ACER2: variants seen among roughly 807,000 people sequenced by gnomAD.
The protein encoded by ACER2 is alkaline ceramidase 2.
In ACER2, 26 loss-of-function variants were observed where a neutral mutation model predicts 34.7. The observed-to-expected ratio is 0.75, with a 90% CI of 0.55 to 1.04. The LOEUF (loss-of-function observed/expected upper bound fraction) is 1.04, where lower values mean the gene tolerates loss of function less well. ACER2 is among the 50% of genes least tolerant of loss of function. The pLI is 0.00. For synonymous variants in ACER2, 138 were observed against 132.1 expected, an observed-to-expected ratio of 1.04 and a Z score of -0.31; for missense variants, 352 against 340.8, an observed-to-expected ratio of 1.03 and a Z score of -0.26.
intron 3 of ACER2, among the ~76,000 whole-genome samples, chr9:19,432,599 TATA>T (rs1428432265): frequency 2.7e-5 from 4 of 148,876 alleles, no homozygotes; most frequent in African/African-American, 7.3e-5. Flanking sequence ...ATTTATTAAA[TATA>T]ATTTTTATTT....
intron 3 of ACER2, among the ~76,000 whole-genome samples, chr9:19,432,679 A>T (rs1305595833): frequency 6.7e-6 from 1 of 148,216 alleles, no homozygotes; most frequent in Non-Finnish European, 1.5e-5. Flanking sequence ...GTTATGCTAT[A>T]TATAGATATG....
intron 1 of ACER2, among the ~76,000 whole-genome samples, chr9:19,422,234 G>A (rs2132473172): frequency 6.6e-6 from 1 of 151,952 alleles, no homozygotes; most frequent in Non-Finnish European, 1.5e-5. Context: ...CTGGAAGTAG[G>A]AGGCTGCAGC....
At chr9:19,449,503 A>T (rs1831487016) in intron 5 of ACER2, among the ~76,000 whole-genome samples, 1 of 152,138 alleles carries the variant, frequency 6.6e-6, no homozygotes, top group South Asian at 2.1e-4. Flanking sequence ...TCATATTGTC[A>T]CATCTGTTAA....
intron 5 of ACER2, among the ~76,000 whole-genome samples, chr9:19,449,894 A>G (rs1160450434): frequency 1.3e-5 from 1 of 78,380 alleles, no homozygotes; most frequent in African/African-American, 3.7e-5. Flanking sequence ...TTCATTTAAA[A>G]AAAAAAAAAA....
chr9:19,432,588 GATTT>G (rs1563883011), intron 3 of ACER2, among the ~76,000 whole-genome samples: 1 of 148,386 alleles, frequency 6.7e-6, no homozygotes, highest in African/African-American at 2.5e-5. Context: ...GTATATATAT[GATTT>G]ATTAAATATA....
At chr9:19,411,486 C>T (rs1406326770) in intron 1 of ACER2, among the ~76,000 whole-genome samples, 2 of 152,100 alleles carry the variant, frequency 1.3e-5, no homozygotes, top group Non-Finnish European at 2.9e-5. Context: ...CAGGTTCAAG[C>T]GATCCTCCCA....
At chr9:19,418,592 C>G (rs1282960496) in intron 1 of ACER2, among the ~76,000 whole-genome samples, 2 of 152,170 alleles carry the variant, frequency 1.3e-5, no homozygotes, top group African/African-American at 4.8e-5. Context: ...CAAACTAACA[C>G]AGGAACAGAA....
At chr9:19,441,073 A>G (rs1368556832) in intron 4 of ACER2, among the ~76,000 whole-genome samples, 1 of 143,948 alleles carries the variant, frequency 6.9e-6, no homozygotes, top group Non-Finnish European at 1.5e-5. Context: ...TTTGAGACAG[A>G]GTCCTACTGT....
chr9:19,429,954 C>T (rs1830697978), intron 3 of ACER2, among the ~76,000 whole-genome samples: 1 of 152,074 alleles, frequency 6.6e-6, no homozygotes, highest in African/African-American at 2.4e-5. Flanking sequence ...TAACCAGGGA[C>T]ATTTCCAGTT....
At chr9:19,442,458 T>C (rs1215023070) in intron 4 of ACER2, among the ~76,000 whole-genome samples, 2 of 152,214 alleles carry the variant, frequency 1.3e-5, no homozygotes, top group Non-Finnish European at 2.9e-5. Flanking sequence ...CAGGATCTGC[T>C]TCTTCTAGAA....
chr9:19,413,878 C>A (rs1232516817), intron 1 of ACER2, among the ~76,000 whole-genome samples: 1 of 152,210 alleles, frequency 6.6e-6, no homozygotes, highest in Non-Finnish European at 1.5e-5. Flanking sequence ...AAGTCCCGCT[C>A]TCTTCAGGCT....
intron 4 of ACER2, among the ~76,000 whole-genome samples, chr9:19,438,560 C>G (rs1831046260): frequency 6.6e-6 from 1 of 152,172 alleles, no homozygotes; most frequent in Admixed American, 6.5e-5. Context: ...TTGGCAAACA[C>G]ATAATTAAAT....
intron 4 of ACER2, among the ~76,000 whole-genome samples, chr9:19,440,831 C>T (rs1831132288): frequency 6.6e-6 from 1 of 152,104 alleles, no homozygotes; most frequent in African/African-American, 2.4e-5. Flanking sequence ...TGTCTAGCTG[C>T]CTGCCTAACC....
At position 19,450,970 on chromosome 9, in the gene ACER2, C is replaced by T. The variant is rs539784267; in HGVS notation, c.*334C>T. The T allele has an allele frequency of 2.9e-5, 5 of 173,572 alleles. No homozygotes were observed. Among genetic ancestry groups the T allele is most frequent in the South Asian group, 3.5e-4 (2 of 5,796 alleles). 10.8% of individuals were successfully genotyped at this position (173,572 alleles called of 1,614,324 possible). On this transcript the variant is annotated 3_prime_UTR_variant, in exon 6 of 6. Coordinates refer to ENST00000340967, the MANE Select transcript of ACER2 (RefSeq NM_001010887.3). Reference sequence around the variant, plus strand: ...TTTTGTGTAATTTTTAAAAAGGTCCCCTCCTCCTCCCTAATGTGTCTGTGG... The same window carrying T: ...TTTTGTGTAATTTTTAAAAAGGTCCTCTCCTCCTCCCTAATGTGTCTGTGG...
At chr9:19,426,830 G>A (rs993696323) in intron 3 of ACER2, among the ~76,000 whole-genome samples, 10 of 151,994 alleles carry the variant, frequency 6.6e-5, no homozygotes, top group African/African-American at 2.4e-4. Flanking sequence ...AAAAAGCTGA[G>A]GCAGGAAGAT....
At chr9:19,442,578 G>A (rs117965226) in intron 4 of ACER2, among the ~76,000 whole-genome samples, 1 of 152,232 alleles carries the variant, frequency 6.6e-6, no homozygotes, top group East Asian at 1.9e-4. Flanking sequence ...TAACGGCCGG[G>A]CACCTCCCTC....
At chr9:19,409,913 A>G (rs1657361265) in intron 1 of ACER2, 1 of 985,256 alleles carries the variant, frequency 1.0e-6, no homozygotes, top group Admixed American at 6.2e-5. Flanking sequence ...GATAAGGGTG[A>G]GCAGAAACTT....
intron 5 of ACER2, 106 bp downstream of exon 5, chr9:19,446,524 G>A (rs1002634015): frequency 2.0e-5 from 32 of 1,564,808 alleles, no homozygotes; most frequent in Non-Finnish European, 2.5e-5. Flanking sequence ...TGGGTTGCTG[G>A]CTTGCTTCTC....
chr9:19,441,858 G>C (rs1408335122), intron 4 of ACER2, among the ~76,000 whole-genome samples: 2 of 152,140 alleles, frequency 1.3e-5, no homozygotes, highest in East Asian at 3.9e-4. Flanking sequence ...ATTGCTCTTA[G>C]ACCTCTTTCC....
Sources: gnomAD v4.1 joint callset for allele counts (sites outside exome capture counted in the v4.1 genomes callset) on GRCh38, gnomAD v4.1.1 for gene constraint, MANE v1.5 for transcripts, NCBI Gene and HGNC (gene_info 2026-07-23, HGNC 2026-07-21) for gene names.